SYN2: variants seen among roughly 807,000 people sequenced by gnomAD.
The protein encoded by SYN2 is synapsin-2.
In SYN2, 19 loss-of-function variants were observed where a neutral mutation model predicts 50.9. The ratio of observed to expected loss-of-function variants is 0.37; its 90% CI spans 0.26 to 0.55. The LOEUF is 0.55. Ranked by LOEUF, SYN2 falls within the 20% of genes least tolerant of loss-of-function variation. The pLI is 0.81. For synonymous variants in SYN2, 255 were observed against 224.9 expected (o/e 1.13, Z -1.20); for missense variants, 587 against 576.4 (o/e 1.02, Z -0.19).
At position 12,098,631 on chromosome 3, in the gene SYN2, G is replaced by A. The variant is rs185957377; in HGVS notation, c.378-42020G>A. ...GAAAATGCAAATTTAGCACAAAAGA[G>A]ATTAATGGAGGAATAGGGGAATAAA... On this transcript the variant is annotated intron_variant, in intron 1 of 12. Transcript: ENST00000621198. 3.1e-3 allele frequency among the ~76,000 whole-genome samples: 464 copies of A among 151,830 alleles called. 3 individuals are homozygous for A. The highest frequency in any genetic ancestry group is 4.1e-3 in the Admixed American group (62 of 15,254).
chr3:12,061,418 A>C (rs1391697426), intron 1 of SYN2, among the ~76,000 whole-genome samples: 2 of 152,116 alleles, frequency 1.3e-5, no homozygotes, highest in African/African-American at 4.8e-5. Flanking sequence ...CTTATTAAAG[A>C]ACATCTTACA....
intron 1 of SYN2, among the ~76,000 whole-genome samples, chr3:12,092,942 T>G (rs1695859846): frequency 6.6e-6 from 1 of 152,156 alleles, no homozygotes; most frequent in Admixed American, 6.5e-5. Context: ...CCCATTTTCA[T>G]TACTACCCTC....
At chr3:12,090,643 A>C (rs1695806760) in intron 1 of SYN2, among the ~76,000 whole-genome samples, 1 of 152,192 alleles carries the variant, frequency 6.6e-6, no homozygotes, top group African/African-American at 2.4e-5. Flanking sequence ...GAAGCCCATG[A>C]ACAGGAAGTC....
chr3:12,088,114 A>G (rs1044417764), intron 1 of SYN2, among the ~76,000 whole-genome samples: 2 of 152,210 alleles, frequency 1.3e-5, no homozygotes, highest in African/African-American at 4.8e-5. Flanking sequence ...AAAACAACAG[A>G]GTGAAGAGAC....
At chr3:12,085,095 A>G (rs966446705) in intron 1 of SYN2, among the ~76,000 whole-genome samples, 2 of 89,948 alleles carry the variant, frequency 2.2e-5, no homozygotes, top group Non-Finnish European at 2.2e-5. Flanking sequence ...ACGGCATTGA[A>G]TGGCTGACTG....
rs939836712 is a variant in SYN2, at chr3:12,094,404, A to T, written c.378-46247A>T. Among the ~76,000 whole-genome samples the T allele has an allele frequency of 3.9e-4, 58 of 149,976 alleles. 1 individual carries two copies. The highest frequency in any genetic ancestry group is 1.4e-3 in the African/African-American group (54 of 39,378). On this transcript the variant is annotated intron_variant, in intron 1 of 12. Transcript: ENST00000621198. ...CTGTGATATGTACCTTATATTTTAT[A>T]AAAAAAATTTATAACAGCCTAAAGA...
chr3:12,166,710 AGAAGATATTG>A (rs1268734011), intron 7 of SYN2, among the ~76,000 whole-genome samples: 1 of 152,220 alleles, frequency 6.6e-6, no homozygotes, highest in East Asian at 1.9e-4. Flanking sequence ...GAGCCAGTAA[AGAAGATATTG>A]GAAGATATTC....
At chr3:12,190,316 G>A (rs1194578546) in intron 12 of SYN2, among the ~76,000 whole-genome samples, 174 bp from the exon 13 acceptor site, 1 of 152,120 alleles carries the variant, frequency 6.6e-6, no homozygotes. Context: ...TGAGGAAGTA[G>A]CGTAGGAGTC....
chr3:12,005,205 G>A (rs1479238013), intron 1 of SYN2, among the ~76,000 whole-genome samples: 1 of 152,140 alleles, frequency 6.6e-6, no homozygotes, highest in Non-Finnish European at 1.5e-5. Context: ...TATGCAACAG[G>A]AAAGGCCCTT....
At chr3:12,162,243 G>A (rs1697672224) in intron 7 of SYN2, 89 bp downstream of exon 7, 1 of 1,508,446 alleles carries the variant, frequency 6.6e-7, no homozygotes, top group South Asian at 1.3e-5. Flanking sequence ...AACAGAGAGG[G>A]TGCCACTTAA....
chr3:12,078,334 A>G (rs891678430), intron 1 of SYN2, among the ~76,000 whole-genome samples: 2 of 151,944 alleles, frequency 1.3e-5, no homozygotes, highest in African/African-American at 2.4e-5. Context: ...CCATTTGTCA[A>G]TTTTTGCTTT....
At chr3:12,045,962 T>G (rs307583) in intron 1 of SYN2, among the ~76,000 whole-genome samples, 97,605 of 152,078 alleles carry the variant, frequency 0.64, 33,859 homozygotes, top group South Asian at 0.78. Flanking sequence ...ATAACTTGCT[T>G]CTTTCATTTA....
rs200702152 is a variant in SYN2, at chr3:12,103,981, CAG to C, written c.378-36667_378-36666del. Among the ~76,000 whole-genome samples, 27 of 152,140 alleles carry C rather than the reference CAG, an allele frequency of 1.8e-4. No individual in the cohort carries two copies. The East Asian group carries it at 5.0e-3, about 28-fold the overall frequency. The stretch of plus-strand genomic sequence containing the variant: ...ATTTTTAGAAATAACATATAAAACA[CAG>C]AGCATGAAAGTGAAAATATCTAAAC... On this transcript the variant is annotated intron_variant, in intron 1 of 12. Coordinates refer to ENST00000621198, the MANE Select transcript of SYN2 (RefSeq NM_133625.6).
At chr3:12,090,733 C>T (rs1695808094) in intron 1 of SYN2, among the ~76,000 whole-genome samples, 1 of 152,098 alleles carries the variant, frequency 6.6e-6, no homozygotes, top group Admixed American at 6.6e-5. Flanking sequence ...TGTTCCTTGG[C>T]CTAATTGATG....
intron 12 of SYN2, among the ~76,000 whole-genome samples, chr3:12,188,430 C>T (rs746483217): frequency 3.3e-5 from 5 of 152,166 alleles, no homozygotes; most frequent in South Asian, 2.1e-4. Context: ...CACAGACAGC[C>T]GTAGCCTTAG....
intron 1 of SYN2, among the ~76,000 whole-genome samples, chr3:12,128,974 C>G (rs1696730384): frequency 6.6e-6 from 1 of 151,994 alleles, no homozygotes; most frequent in Non-Finnish European, 1.5e-5. Flanking sequence ...GGTCGCTATT[C>G]TCATGGAGCT....
intron 3 of SYN2, 119 bp from the exon 4 acceptor site, chr3:12,145,560 G>A: frequency 8.7e-7 from 1 of 1,151,192 alleles, no homozygotes; most frequent in Non-Finnish European, 1.2e-6. Context: ...AAAATGAGGG[G>A]CTTGGACTAG....
In SYN2 at chr3:12,004,502, C is replaced by T. The variant is rs757597314; in HGVS notation, c.-50C>T. The T allele has an allele frequency of 2.1e-6, 1 of 476,616 alleles. No individual in the cohort carries two copies. Among genetic ancestry groups the T allele is most frequent in the Non-Finnish European group, 4.0e-6 (1 of 251,452 alleles). The allele number at this position is 476,616 out of a possible 1,614,324, so 29.5% of individuals were successfully genotyped here. On this transcript the variant is annotated 5_prime_UTR_variant, in exon 1 of 13. Transcript: ENST00000621198. ...CTCGCCTTCCGCCCTCGCTCTCCCT[C>T]CGCGCCACCAGACCCCGTAGCCCCG...
At chr3:12,148,931 C>T (rs1697216082) in intron 4 of SYN2, among the ~76,000 whole-genome samples, 1 of 152,146 alleles carries the variant, frequency 6.6e-6, no homozygotes, top group African/African-American at 2.4e-5. Context: ...GGTAACAGCC[C>T]TTATCAGATG....
Sources: gnomAD v4.1 joint callset for allele counts (sites outside exome capture counted in the v4.1 genomes callset) on GRCh38, gnomAD v4.1.1 for gene constraint, MANE v1.5 for transcripts, NCBI Gene and HGNC (gene_info 2026-07-23, HGNC 2026-07-21) for gene names.